The following INSYN2B variants were observed in gnomAD, a reference collection of about 807,000 sequenced individuals.
INSYN2B encodes the protein inhibitory synaptic factor family member 2B, also known as protein INSYN2B.
In INSYN2B, 16 loss-of-function variants were observed where a neutral mutation model predicts 41.2. That is an observed-to-expected ratio of 0.39 (90% confidence interval 0.26 to 0.59). The LOEUF (loss-of-function observed/expected upper bound fraction) is 0.59. Among genes scored for constraint, INSYN2B ranks in the 20% least tolerant of loss-of-function variants. The probability of loss-of-function intolerance (pLI) is 0.57; values close to 1 mark genes in which losing one functional copy is unlikely to be tolerated. For synonymous variants in INSYN2B, 245 were observed against 244.4 expected, an observed-to-expected ratio of 1.00 and a Z score of -0.02; for missense variants, 608 against 646.4, an observed-to-expected ratio of 0.94 and a Z score of 0.64.
At chr5:169,964,217 T>G (rs1481291582) in intron 1 of INSYN2B, among the ~76,000 whole-genome samples, 1 of 152,184 alleles carries the variant, frequency 6.6e-6, no homozygotes, top group Non-Finnish European at 1.5e-5. Context: ...CTGTGCTTTA[T>G]CCTCGGTGAC....
intron 3 of INSYN2B, among the ~76,000 whole-genome samples, chr5:169,865,282 A>C (rs1402251974): frequency 3.9e-5 from 6 of 152,212 alleles, no homozygotes; most frequent in Admixed American, 6.5e-5. Flanking sequence ...GAGGAGGTAA[A>C]AGTGAACCTG....
At chr5:169,903,985 G>T (rs774578923) in intron 1 of INSYN2B, among the ~76,000 whole-genome samples, 2 of 151,806 alleles carry the variant, frequency 1.3e-5, no homozygotes, top group Non-Finnish European at 2.9e-5. Context: ...CCAGTTACTC[G>T]GGAGGGCTGA....
chr5:169,972,686 T>G (rs1281635078), intron 1 of INSYN2B, among the ~76,000 whole-genome samples: 1 of 151,856 alleles, frequency 6.6e-6, no homozygotes, highest in Non-Finnish European at 1.5e-5. Context: ...TGGACCATCA[T>G]CATACCTGAC....
intron 1 of INSYN2B, among the ~76,000 whole-genome samples, chr5:169,959,220 G>A (rs1194953691): frequency 2.0e-5 from 3 of 152,008 alleles, no homozygotes; most frequent in African/African-American, 7.2e-5. Context: ...GTGAAACCCT[G>A]TCTGTACTAA....
chr5:169,905,110 A>G (rs1221979443), intron 1 of INSYN2B, among the ~76,000 whole-genome samples: 3 of 152,176 alleles, frequency 2.0e-5, no homozygotes, highest in South Asian at 4.1e-4. Flanking sequence ...AGGTGCTGGC[A>G]TGTATTTTCT....
chr5:169,960,532 A>G lies in INSYN2B; in HGVS notation c.-919+19745T>C, dbSNP rs61071716. Among the ~76,000 whole-genome samples, 1,281 of 152,336 alleles carry G rather than the reference A, an allele frequency of 8.4e-3. 62 individuals carry two copies. In the East Asian group the frequency reaches 0.14, roughly 16 times the overall value. ...GGAAAATTATTGATTAGAAAGAAAC[A>G]TGAGGTTCTAAGATAGGTTTTCAAG... On this transcript the variant is annotated intron_variant, in intron 1 of 3. Transcript: ENST00000377365.
intron 1 of INSYN2B, among the ~76,000 whole-genome samples, chr5:169,939,005 G>A (rs1158918895): frequency 2.7e-5 from 4 of 150,706 alleles, no homozygotes; most frequent in Non-Finnish European, 2.9e-5. Context: ...CTGGGTTCAC[G>A]CCATTCTCCT....
intron 3 of INSYN2B, among the ~76,000 whole-genome samples, chr5:169,868,461 C>T (rs1771733989): frequency 6.6e-6 from 1 of 152,176 alleles, no homozygotes; most frequent in Non-Finnish European, 1.5e-5. Flanking sequence ...GTCCTAATAC[C>T]TGTTTAATAA....
chr5:169,979,741 G>T (rs1038031294), intron 1 of INSYN2B, among the ~76,000 whole-genome samples: 2 of 152,154 alleles, frequency 1.3e-5, no homozygotes, highest in African/African-American at 2.4e-5. Flanking sequence ...CAAAAGGCAC[G>T]CAACCGGGTT....
intron 1 of INSYN2B, among the ~76,000 whole-genome samples, chr5:169,968,757 T>A (rs534092314): frequency 1.3e-5 from 2 of 152,218 alleles, no homozygotes; most frequent in South Asian, 4.1e-4. Flanking sequence ...GTGTTAATGG[T>A]GATGAGCAAA....
chr5:169,977,072 G>A (rs1433509990), intron 1 of INSYN2B, among the ~76,000 whole-genome samples: 1 of 152,184 alleles, frequency 6.6e-6, no homozygotes, highest in Non-Finnish European at 1.5e-5. Context: ...AACAACTGGG[G>A]AACTAAGTTT....
At chr5:169,923,483 GCACACACACACACA>G (rs34053722) in intron 1 of INSYN2B, among the ~76,000 whole-genome samples, 9 of 148,926 alleles carry the variant, frequency 6.0e-5, no homozygotes, top group Non-Finnish European at 1.0e-4. Flanking sequence ...ATGCACGTGG[GCACACACACACACA>G]CACACACACA....
intron 1 of INSYN2B, among the ~76,000 whole-genome samples, chr5:169,896,785 G>T (rs1252070517): frequency 6.6e-6 from 1 of 152,122 alleles, no homozygotes; most frequent in Non-Finnish European, 1.5e-5. Context: ...GCTCACAGTG[G>T]GTGTGGGAGT....
chr5:169,950,508 G>C (rs1776616778), intron 1 of INSYN2B, among the ~76,000 whole-genome samples: 1 of 152,140 alleles, frequency 6.6e-6, no homozygotes, highest in African/African-American at 2.4e-5. Flanking sequence ...TTGAGTTTTG[G>C]GCCACACAAC....
chr5:169,917,178 T>A (rs755779562), intron 1 of INSYN2B, among the ~76,000 whole-genome samples: 8 of 152,180 alleles, frequency 5.3e-5, no homozygotes, highest in Non-Finnish European at 1.2e-4. Context: ...CCAATCTGGG[T>A]AGGGATTCCA....
chr5:169,925,728 TTG>T (rs67134055), intron 1 of INSYN2B, among the ~76,000 whole-genome samples: 132,173 of 151,862 alleles, frequency 0.87, 57,628 homozygotes, highest in East Asian at 0.98. Context: ...TCATATAGGG[TTG>T]TGTGTTGGGA....
At chr5:169,897,542 C>T (rs914719453) in intron 1 of INSYN2B, among the ~76,000 whole-genome samples, 1 of 152,098 alleles carries the variant, frequency 6.6e-6, no homozygotes, top group African/African-American at 2.4e-5. Context: ...CATGATGGTC[C>T]CTTTAAAGAC....
intron 3 of INSYN2B, among the ~76,000 whole-genome samples, chr5:169,867,773 C>T (rs926127096): frequency 3.3e-5 from 5 of 152,108 alleles, no homozygotes; most frequent in African/African-American, 1.2e-4. Flanking sequence ...GGTACTGCAC[C>T]CCTATTTGTC....
rs75507231 is a variant in INSYN2B at position 169,966,900 on chromosome 5, C to G, written c.-919+13377G>C. The stretch of plus-strand genomic sequence containing the variant: ...GGAACCTATTCAACGAAAGAGAGCC[C>G]TTCACCAATCCATGCGCCATCAAAT... On this transcript the variant is annotated intron_variant, in intron 1 of 3. Coordinates refer to ENST00000377365, the MANE Select transcript of INSYN2B (RefSeq NM_001129891.3). Among the ~76,000 whole-genome samples, 1,220 of 152,328 alleles carry G rather than the reference C, an allele frequency of 8.0e-3. 11 individuals carry two copies. Among genetic ancestry groups the G allele is most frequent in the African/African-American group, 0.026 (1,079 of 41,570 alleles).
Sources: allele counts gnomAD v4.1 joint callset (sites outside exome capture counted in the v4.1 genomes callset), GRCh38; gene constraint gnomAD v4.1.1; transcripts MANE v1.5; gene names NCBI Gene and HGNC (gene_info 2026-07-23, HGNC 2026-07-21).